PTPRD: variants seen among roughly 807,000 people sequenced by gnomAD.
The protein encoded by PTPRD is protein tyrosine phosphatase receptor type D, also known as receptor-type tyrosine-protein phosphatase delta.
A neutral mutation model predicts 214.5 loss-of-function variants in PTPRD; 34 were observed. The ratio of observed to expected loss-of-function variants is 0.16; its 90% CI spans 0.12 to 0.21. PTPRD has a LOEUF of 0.21. PTPRD is among the 10% of genes least tolerant of loss of function. PTPRD has a pLI of 1.00. For synonymous variants in PTPRD, 1,128 were observed against 845.7 expected (o/e 1.33, Z -5.79); for missense variants, 2,545 against 2,398.7 (o/e 1.06, Z -1.27).
chr9:10,063,670 G>A (rs1277939978), intron 3 of PTPRD, among the ~76,000 whole-genome samples: 5 of 151,888 alleles, frequency 3.3e-5, no homozygotes, highest in African/African-American at 1.2e-4. Context: ...TACACAATTT[G>A]GTAAATTACG....
intron 2 of PTPRD, among the ~76,000 whole-genome samples, chr9:10,346,922 G>A (rs2097094572): frequency 2.0e-5 from 3 of 152,034 alleles, no homozygotes; most frequent in Non-Finnish European, 2.9e-5. Flanking sequence ...TAGAAATCTT[G>A]CAATAAAGAA....
chr9:9,868,520 T>G (rs2064576172), intron 5 of PTPRD, among the ~76,000 whole-genome samples: 1 of 151,824 alleles, frequency 6.6e-6, no homozygotes, highest in Admixed American at 6.6e-5. Flanking sequence ...GGAGGTAGAT[T>G]CAGGAAATAT....
chr9:9,115,381 T>G (rs548241225), intron 10 of PTPRD, among the ~76,000 whole-genome samples: 1 of 152,046 alleles, frequency 6.6e-6, no homozygotes, highest in Admixed American at 6.6e-5. Flanking sequence ...GGAAAAAATG[T>G]TCACCATCAC....
intron 9 of PTPRD, among the ~76,000 whole-genome samples, chr9:9,380,090 T>A (rs1472361111): frequency 6.6e-6 from 1 of 152,074 alleles, no homozygotes; most frequent in Non-Finnish European, 1.5e-5. Context: ...CTTTCTTAGT[T>A]GAAAACCTTT....
chr9:8,362,653 T>G (rs1039341256), intron 39 of PTPRD, among the ~76,000 whole-genome samples: 6 of 152,166 alleles, frequency 3.9e-5, no homozygotes, highest in Non-Finnish European at 8.8e-5. Flanking sequence ...AGAAACAGAT[T>G]TCTAGAAAAC....
At chr9:8,625,262 TATAA>T (rs372757548) in intron 14 of PTPRD, among the ~76,000 whole-genome samples, 5 of 152,004 alleles carry the variant, frequency 3.3e-5, no homozygotes, top group African/African-American at 1.2e-4. Context: ...CAAGTTTTTG[TATAA>T]ATATTGATAG....
intron 9 of PTPRD, among the ~76,000 whole-genome samples, chr9:9,198,191 T>C (rs576708915): frequency 6.6e-6 from 1 of 152,228 alleles, no homozygotes; most frequent in African/African-American, 2.4e-5. Context: ...CACTTAGCAC[T>C]GTGGCTTTGC....
At chr9:9,672,947 T>C (rs182077918) in intron 7 of PTPRD, among the ~76,000 whole-genome samples, 52 of 152,146 alleles carry the variant, frequency 3.4e-4, no homozygotes, top group South Asian at 2.1e-3. Flanking sequence ...CTAGCGTAAA[T>C]CTGTTATAAA....
At chr9:9,455,591 T>C (rs572935862) in intron 8 of PTPRD, among the ~76,000 whole-genome samples, 1 of 151,616 alleles carries the variant, frequency 6.6e-6, no homozygotes, top group East Asian at 1.9e-4. Flanking sequence ...TACTCAGCTG[T>C]GTTAATTAGC....
chr9:9,125,455 CTT>C (rs2099828768), intron 10 of PTPRD, among the ~76,000 whole-genome samples: 2 of 152,164 alleles, frequency 1.3e-5, no homozygotes, highest in South Asian at 4.1e-4. Context: ...AGTACCTGTG[CTT>C]ACCTCTCGGT....
At chr9:9,245,942 G>C (rs2099972878) in intron 9 of PTPRD, among the ~76,000 whole-genome samples, 1 of 152,010 alleles carries the variant, frequency 6.6e-6, no homozygotes, top group Admixed American at 6.6e-5. Flanking sequence ...TAAAAGTCCA[G>C]TCTGAGATTC....
At chr9:9,214,529 G>C (rs1200440876) in intron 9 of PTPRD, among the ~76,000 whole-genome samples, 1 of 151,504 alleles carries the variant, frequency 6.6e-6, no homozygotes, top group South Asian at 2.1e-4. Flanking sequence ...GGGTGGGAGA[G>C]GGAAAGCTGA....
intron 43 of PTPRD, among the ~76,000 whole-genome samples, chr9:8,336,488 ACCCCT>A (rs1554717505): frequency 1.3e-5 from 2 of 149,696 alleles, no homozygotes; most frequent in Non-Finnish European, 1.5e-5. Context: ...AATGATGAAA[ACCCCT>A]AGAAGAAAAC....
intron 7 of PTPRD, among the ~76,000 whole-genome samples, chr9:9,583,449 C>G (rs777299998): frequency 9.9e-5 from 15 of 152,010 alleles, no homozygotes; most frequent in Admixed American, 9.9e-4. Flanking sequence ...ATTCCAAAAA[C>G]GTCCTCTGAA....
intron 9 of PTPRD, among the ~76,000 whole-genome samples, chr9:9,390,982 A>T (rs980138070): frequency 6.6e-6 from 1 of 152,176 alleles, no homozygotes; most frequent in African/African-American, 2.4e-5. Flanking sequence ...GTTTATCAAG[A>T]TATCTTGATA....
chr9:9,158,049 C>T (rs1204509001), intron 10 of PTPRD, among the ~76,000 whole-genome samples: 3 of 152,122 alleles, frequency 2.0e-5, no homozygotes, highest in African/African-American at 4.8e-5. Flanking sequence ...GACGTGATCT[C>T]GTTCCTTTTC....
At chr9:9,003,656 G>C (rs2099435101) in intron 11 of PTPRD, among the ~76,000 whole-genome samples, 1 of 152,006 alleles carries the variant, frequency 6.6e-6, no homozygotes, top group South Asian at 2.1e-4. Context: ...TGAATGACAG[G>C]CTGAGCTGGG....
intron 3 of PTPRD, among the ~76,000 whole-genome samples, chr9:10,315,768 A>C (rs1336436551): frequency 6.6e-6 from 1 of 151,894 alleles, no homozygotes; most frequent in Non-Finnish European, 1.5e-5. Flanking sequence ...AGAAGAATTA[A>C]CCTTCCTTTG....
At chr9:8,596,193 T>C (rs182706639) in intron 14 of PTPRD, among the ~76,000 whole-genome samples, 9 of 152,210 alleles carry the variant, frequency 5.9e-5, no homozygotes, top group African/African-American at 2.2e-4. Context: ...ATATAGTATT[T>C]TGCATATCAT....
Sources: gnomAD v4.1 joint callset for allele counts (sites outside exome capture counted in the v4.1 genomes callset) on GRCh38, gnomAD v4.1.1 for gene constraint, MANE v1.5 for transcripts, NCBI Gene and HGNC (gene_info 2026-07-23, HGNC 2026-07-21) for gene names.